The following CD226 variants were observed in gnomAD, a reference collection of about 807,000 sequenced individuals.
The protein encoded by CD226 is CD226 antigen.
Under a neutral mutation model 34.9 loss-of-function variants are expected in CD226, and 24 were observed. That is an observed-to-expected ratio of 0.69 (90% CI 0.50 to 0.97). The LOEUF (loss-of-function observed/expected upper bound fraction) is 0.97. CD226 is among the 50% of genes least tolerant of loss of function. The probability of loss-of-function intolerance (pLI) is 0.00; values close to 1 mark genes in which losing one functional copy is unlikely to be tolerated. For missense variants in CD226, 397 were observed against 412.7 expected, an observed-to-expected ratio of 0.96 and a Z score of 0.33; for synonymous variants, 148 against 147.4, an observed-to-expected ratio of 1.00 and a Z score of -0.03.
chr18:69,947,297 G>A, intron 1 of CD226, 64 bp downstream of exon 1: 1 of 1,093,058 alleles, frequency 9.1e-7, no homozygotes, highest in Admixed American at 2.2e-5. Flanking sequence ...TTCTGAATAT[G>A]CCACACTGTA....
rs1044116504 is a variant in CD226, at chr18:69,857,583, T to C, written c.*6731A>G. On this transcript the variant is annotated 3_prime_UTR_variant, in exon 6 of 6. Transcript: ENST00000582621. Reference sequence around the variant, plus strand: ...CATTTTCATAAAAACATAAAATCAGTTGAGATTATGTAAATTTTGAAGAAT... The same window carrying C: ...CATTTTCATAAAAACATAAAATCAGCTGAGATTATGTAAATTTTGAAGAAT... 1 of 152,160 alleles carries C rather than the reference T, an allele frequency of 6.6e-6. No homozygotes were observed. The highest frequency in any genetic ancestry group is 2.4e-5 in the African/African-American group (1 of 41,436). The allele number at this position is 152,160 out of a possible 1,614,324, so 9.4% of individuals were successfully genotyped here. A position where few individuals can be genotyped will look rare whatever the true frequency, so the allele number is the denominator to read the frequency against.
At chr18:69,880,633 G>A (rs149107736) in intron 3 of CD226, among the ~76,000 whole-genome samples, 1 of 150,028 alleles carries the variant, frequency 6.7e-6, no homozygotes, top group East Asian at 2.0e-4. Context: ...GATACACGAG[G>A]GGAATAAGTC....
intron 4 of CD226, among the ~76,000 whole-genome samples, 166 bp from the exon 5 acceptor site, chr18:69,867,577 C>A (rs1306486898): frequency 2.0e-5 from 3 of 152,074 alleles, no homozygotes; most frequent in African/African-American, 7.2e-5. Context: ...CAGTTTTTTT[C>A]ATTTTCCCTG....
At chr18:69,893,376 T>C (rs1415730891) in intron 3 of CD226, among the ~76,000 whole-genome samples, 2 of 152,236 alleles carry the variant, frequency 1.3e-5, no homozygotes, top group Non-Finnish European at 2.9e-5. Flanking sequence ...TTTGGACAGA[T>C]GAATGACATT....
intron 5 of CD226, among the ~76,000 whole-genome samples, chr18:69,866,117 A>G (rs1290118830): frequency 6.6e-6 from 1 of 152,236 alleles, no homozygotes; most frequent in Non-Finnish European, 1.5e-5. Flanking sequence ...AGAAAGAGGA[A>G]GCAAGCTCTT....
At chr18:69,937,019 T>C (rs1439855136) in intron 2 of CD226, among the ~76,000 whole-genome samples, 2 of 152,216 alleles carry the variant, frequency 1.3e-5, no homozygotes, top group Admixed American at 6.5e-5. Context: ...CATTTTCGTA[T>C]GTTTTCTTCC....
rs1161842539 is a variant in CD226 at position 69,858,936 on chromosome 18, C to T, written c.*5378G>A. On this transcript the variant is annotated 3_prime_UTR_variant, in exon 6 of 6. Coordinates refer to ENST00000582621, the MANE Select transcript of CD226 (RefSeq NM_001303618.2). ...CTAAGACAGGGTTTCACCATATTGG[C>T]CAAGTTGGTCTCAAACTCCTGACCT... The T allele has an allele frequency of 2.0e-5, 3 of 151,322 alleles. No individual in the cohort carries two copies. The highest frequency in any genetic ancestry group is 4.4e-5 in the Non-Finnish European group (3 of 67,858). The allele number at this position is 151,322 out of a possible 1,614,324, so 9.4% of individuals were successfully genotyped here.
chr18:69,907,522 C>T (rs2055270555), intron 2 of CD226, among the ~76,000 whole-genome samples: 2 of 152,144 alleles, frequency 1.3e-5, no homozygotes, highest in Admixed American at 1.3e-4. Flanking sequence ...GTTGGCCAGG[C>T]TGGTCTCGAA....
At chr18:69,947,310 A>G in intron 1 of CD226, 51 bp downstream of exon 1, 1 of 1,283,210 alleles carries the variant, frequency 7.8e-7, no homozygotes, top group East Asian at 2.3e-5. Flanking sequence ...ACACTGTACA[A>G]ACAAAAACAG....
rs1415300616 is a variant in CD226, at chr18:69,855,678, AT to A, written c.*8635del. The A allele has an allele frequency of 6.6e-6, 1 of 152,166 alleles. No individual in the cohort carries two copies. The highest frequency in any genetic ancestry group is 2.4e-5 in the African/African-American group (1 of 41,454). 9.4% of individuals were successfully genotyped at this position (152,166 alleles called of 1,614,324 possible). On this transcript the variant is annotated 3_prime_UTR_variant, in exon 6 of 6. Transcript: ENST00000582621. ...AAACCTAGGTTGATCAATGAAAGAT[AT>A]GCCACGAGAGAAAATTAAATCATGT...
intron 3 of CD226, among the ~76,000 whole-genome samples, chr18:69,895,270 A>G (rs554385888): frequency 7.2e-5 from 11 of 152,162 alleles, no homozygotes; most frequent in Non-Finnish European, 1.5e-4. Flanking sequence ...AATGCACTCA[A>G]CGCAGCCCTG....
chr18:69,873,622 T>A (rs1389645562), intron 3 of CD226, among the ~76,000 whole-genome samples: 1 of 150,848 alleles, frequency 6.6e-6, no homozygotes, highest in Non-Finnish European at 1.5e-5. Flanking sequence ...CTCAGGCCTG[T>A]AATCACAGAG....
chr18:69,957,381 C>A (rs2055907026), upstream of CD226, among the ~76,000 whole-genome samples: 1 of 151,578 alleles, frequency 6.6e-6, no homozygotes, highest in Non-Finnish European at 1.5e-5. Context: ...CATTCTCCGA[C>A]AGAAAAAGTA....
At chr18:69,955,544 A>G (rs781491857) in intron 1 of CD226, among the ~76,000 whole-genome samples, 12 of 152,110 alleles carry the variant, frequency 7.9e-5, no homozygotes, top group Non-Finnish European at 1.6e-4. Context: ...GGGATGCCCC[A>G]GCTGTTAAGA....
intron 1 of CD226, among the ~76,000 whole-genome samples, chr18:69,954,723 G>T (rs1291174997): frequency 6.6e-6 from 1 of 151,862 alleles, no homozygotes; most frequent in Non-Finnish European, 1.5e-5. Context: ...GAGATGAAGA[G>T]AACTTGTGTA....
At chr18:69,893,557 T>C (rs1985030676) in intron 3 of CD226, among the ~76,000 whole-genome samples, 1 of 152,230 alleles carries the variant, frequency 6.6e-6, no homozygotes, top group Non-Finnish European at 1.5e-5. Flanking sequence ...CATTTTTTTC[T>C]TGCCTTGGTC....
intron 2 of CD226, among the ~76,000 whole-genome samples, chr18:69,898,835 T>G (rs1006101866): frequency 2.0e-5 from 3 of 152,200 alleles, no homozygotes; most frequent in East Asian, 3.9e-4. Context: ...TGAAAAGAAC[T>G]GCCAGAAAGA....
chr18:69,896,059 G>A lies in CD226; in HGVS notation c.383-14C>T, dbSNP rs746942173. ...CCTCAAAACTATCTGAAAAGAAGAA[G>A]CAAATGATTAGATACAGGTTGTCAA... On this transcript the variant is annotated splice_polypyrimidine_tract_variant and intron_variant, in intron 2 of 5. Coordinates refer to ENST00000582621, the MANE Select transcript of CD226 (RefSeq NM_001303618.2). 13 of 1,597,728 alleles carry A rather than the reference G, an allele frequency of 8.1e-6. No homozygotes were observed. The Admixed American group carries it at 1.7e-4, about 21-fold the overall frequency.
In CD226 at chr18:69,856,051, T is replaced by A. The variant is rs560276799; in HGVS notation, c.*8263A>T. On this transcript the variant is annotated 3_prime_UTR_variant, in exon 6 of 6. Transcript: ENST00000582621. ...ATTACAAATAGACGCAACTATACAT[T>A]GTCTATAAGAAAGGCACATTAAATA... 1.3e-5 allele frequency: 2 copies of A among 152,162 alleles called. No individual in the cohort carries two copies. The allele number at this position is 152,162 out of a possible 1,614,324, so 9.4% of individuals were successfully genotyped here.
Sources: gnomAD v4.1 joint callset for allele counts (sites outside exome capture counted in the v4.1 genomes callset) on GRCh38, gnomAD v4.1.1 for gene constraint, MANE v1.5 for transcripts, NCBI Gene and HGNC (gene_info 2026-07-23, HGNC 2026-07-21) for gene names.